LYPLAL1: variants seen among roughly 807,000 people sequenced by gnomAD.
LYPLAL1 encodes the protein lysophospholipase like 1, also known as lysophospholipase-like protein 1.
A neutral mutation model predicts 19.7 loss-of-function variants in LYPLAL1; 23 were observed. That is an observed-to-expected ratio of 1.17 (90% CI 0.84 to 1.65). The LOEUF (loss-of-function observed/expected upper bound fraction) is 1.65. Ranked by LOEUF, LYPLAL1 falls within the 40% of genes most tolerant of loss-of-function variation. LYPLAL1 has a pLI of 0.00. For synonymous variants in LYPLAL1, 119 were observed against 96.3 expected (o/e 1.24, Z -1.38); for missense variants, 355 against 279.4 (o/e 1.27, Z -1.93).
the LYPLAL1 span, among the ~76,000 whole-genome samples, chr1:219,256,168 A>G: frequency 6.6e-6 from 1 of 151,876 alleles, no homozygotes; most frequent in Non-Finnish European, 1.5e-5. Context: ...CACAAGTGAA[A>G]TCATCTGGGC....
Position 219,210,577 on chromosome 1 carries a change from G to T in LYPLAL1, c.407G>T (p.Arg136Ile), listed in dbSNP as rs3736572. The change falls in exon 4 of 5, where the codon AGA becomes ATA. Residue 136 changes from arginine (R) to isoleucine (I), a missense_variant. Transcript: ENST00000366928. ...GGCMAIHLAY[R>I]NHQDVAGVFA... ...TGCATGGCAATACATTTAGCATATAGAAATCATCAAGATGTGGCAGGAGTA... is the reference window on the plus strand; with the variant it reads ...TGCATGGCAATACATTTAGCATATATAAATCATCAAGATGTGGCAGGAGTA... 1.7e-4 allele frequency: 280 copies of T among 1,609,926 alleles called. 4 individuals are homozygous for T. In the East Asian group the frequency reaches 6.2e-3, roughly 36 times the overall value.
chr1:219,234,920 ATTT>A, the LYPLAL1 span, among the ~76,000 whole-genome samples: 1 of 152,176 alleles, frequency 6.6e-6, no homozygotes, highest in Non-Finnish European at 1.5e-5. Flanking sequence ...TCTTTTAAAA[ATTT>A]TTTAAGTTTA....
At chr1:219,284,822 A>C in the LYPLAL1 span, among the ~76,000 whole-genome samples, 1 of 152,206 alleles carries the variant, frequency 6.6e-6, no homozygotes, top group Non-Finnish European at 1.5e-5. Flanking sequence ...CCCTGCCTCC[A>C]TTCCCCAACT....
chr1:219,302,973 C>T, the LYPLAL1 span, among the ~76,000 whole-genome samples: 1 of 152,126 alleles, frequency 6.6e-6, no homozygotes, highest in East Asian at 1.9e-4. Flanking sequence ...GTATACAGTC[C>T]TCCCTGCATT....
the LYPLAL1 span, among the ~76,000 whole-genome samples, chr1:219,293,643 G>T: frequency 1.3e-5 from 2 of 152,198 alleles, no homozygotes; most frequent in Non-Finnish European, 2.9e-5. Context: ...TACAAAACAC[G>T]AAACAGCATT....
chr1:219,359,271 A>C, the LYPLAL1 span, among the ~76,000 whole-genome samples: 1 of 152,314 alleles, frequency 6.6e-6, no homozygotes, highest in Middle Eastern at 3.4e-3. Flanking sequence ...CAGTGCAGCA[A>C]ATACCTCCAG....
At chr1:219,424,659 C>A in the LYPLAL1 span, among the ~76,000 whole-genome samples, 4 of 152,182 alleles carry the variant, frequency 2.6e-5, no homozygotes, top group Non-Finnish European at 5.9e-5. Context: ...TTCATTGCAG[C>A]AGAGGCCACC....
At chr1:219,236,835 C>T in the LYPLAL1 span, among the ~76,000 whole-genome samples, 1 of 152,116 alleles carries the variant, frequency 6.6e-6, no homozygotes, top group Non-Finnish European at 1.5e-5. Flanking sequence ...TGGTGGTTTG[C>T]TGTACCTATC....
the LYPLAL1 span, among the ~76,000 whole-genome samples, chr1:219,381,211 T>A: frequency 6.6e-6 from 1 of 152,174 alleles, no homozygotes; most frequent in Non-Finnish European, 1.5e-5. Flanking sequence ...GATGGTTTTA[T>A]AAAGGGGGCA....
chr1:219,198,831 A>T (rs556044365), intron 3 of LYPLAL1: 2 of 152,212 alleles, frequency 1.3e-5, no homozygotes, highest in African/African-American at 2.4e-5. Flanking sequence ...TTAAGTTGAA[A>T]AAAAGCTACG....
At chr1:219,275,642 A>G in the LYPLAL1 span, among the ~76,000 whole-genome samples, 1 of 152,140 alleles carries the variant, frequency 6.6e-6, no homozygotes, top group Non-Finnish European at 1.5e-5. Context: ...GTAGAACAAG[A>G]ATGTACTATT....
the LYPLAL1 span, among the ~76,000 whole-genome samples, chr1:219,320,248 T>C: frequency 6.6e-6 from 1 of 152,078 alleles, no homozygotes; most frequent in Non-Finnish European, 1.5e-5. Context: ...TCTATACTGG[T>C]CCTGCCTTCT....
chr1:219,197,412 A>G (rs1657691714), intron 3 of LYPLAL1, among the ~76,000 whole-genome samples: 1 of 152,202 alleles, frequency 6.6e-6, no homozygotes, highest in Non-Finnish European at 1.5e-5. Flanking sequence ...TGCTGAGTAA[A>G]CTGGCTAGCC....
At chr1:219,217,847 C>G (rs189988024), downstream of LYPLAL1, among the ~76,000 whole-genome samples, 25 of 152,104 alleles carry the variant, frequency 1.6e-4, no homozygotes, top group African/African-American at 5.8e-4. Context: ...TACTTTCTTA[C>G]ATGAGTGAGG....
At chr1:219,382,882 A>G in the LYPLAL1 span, among the ~76,000 whole-genome samples, 1 of 152,134 alleles carries the variant, frequency 6.6e-6, no homozygotes, top group African/African-American at 2.4e-5. Context: ...TTTTTCAAAA[A>G]ATATGGCCAA....
the LYPLAL1 span, among the ~76,000 whole-genome samples, chr1:219,358,922 A>G: frequency 1.7e-4 from 26 of 152,272 alleles, no homozygotes; most frequent in Admixed American, 3.9e-4. Flanking sequence ...ACATGCCCAC[A>G]AGATTCAGTA....
chr1:219,225,804 CT>C, the LYPLAL1 span, among the ~76,000 whole-genome samples: 1 of 152,184 alleles, frequency 6.6e-6, no homozygotes. Context: ...ACAGCTTCAC[CT>C]CCTGCCTCTC....
At chr1:219,414,640 T>G in the LYPLAL1 span, among the ~76,000 whole-genome samples, 4 of 152,230 alleles carry the variant, frequency 2.6e-5, no homozygotes, top group African/African-American at 9.6e-5. Flanking sequence ...CTCGCTTTTA[T>G]TTCGTGGTTT....
At chr1:219,378,465 A>T in the LYPLAL1 span, among the ~76,000 whole-genome samples, 5 of 152,284 alleles carry the variant, frequency 3.3e-5, no homozygotes, top group African/African-American at 9.6e-5. Context: ...ACACATGGGG[A>T]TTATGGGAAC....
Sources: gnomAD v4.1 joint callset for allele counts (sites outside exome capture counted in the v4.1 genomes callset) on GRCh38, gnomAD v4.1.1 for gene constraint, MANE v1.5 for transcripts, NCBI Gene and HGNC (gene_info 2026-07-23, HGNC 2026-07-21) for gene names.